The following WDR25 variants were observed in gnomAD, a reference collection of about 807,000 sequenced individuals.
WDR25 encodes WD repeat-containing protein 25.
WDR25 carries 35 observed loss-of-function variants against 47.7 expected under a neutral mutation model. That is an observed-to-expected ratio of 0.73 (90% confidence interval 0.56 to 0.97). The LOEUF (loss-of-function observed/expected upper bound fraction) is 0.97, where lower values mean the gene tolerates loss of function less well. Ranked by LOEUF, WDR25 falls within the 50% of genes least tolerant of loss-of-function variation. WDR25 has a pLI of 0.00. For synonymous variants in WDR25, 248 were observed against 278.9 expected, an observed-to-expected ratio of 0.89 and a Z score of 1.10; for missense variants, 634 against 704.7, an observed-to-expected ratio of 0.90 and a Z score of 1.14.
At chr14:100,411,934 T>C (rs192599943) in intron 2 of WDR25, among the ~76,000 whole-genome samples, 14 of 152,370 alleles carry the variant, frequency 9.2e-5, no homozygotes, top group Non-Finnish European at 1.9e-4. Flanking sequence ...TTGAATGTAA[T>C]GTTGAAACCT....
intron 4 of WDR25, among the ~76,000 whole-genome samples, chr14:100,513,737 A>T (rs2140367742): frequency 6.6e-6 from 1 of 150,614 alleles, no homozygotes; most frequent in South Asian, 2.1e-4. Context: ...TGGGTTGCCC[A>T]GGCTGGTCTC....
intron 2 of WDR25, among the ~76,000 whole-genome samples, chr14:100,438,786 C>T (rs1445417019): frequency 6.6e-6 from 1 of 152,222 alleles, no homozygotes; most frequent in African/African-American, 2.4e-5. Context: ...CTCAGCCACC[C>T]TGTGAGGTTC....
intron 4 of WDR25, among the ~76,000 whole-genome samples, chr14:100,509,742 G>A (rs1338046600): frequency 1.3e-5 from 2 of 152,108 alleles, no homozygotes; most frequent in African/African-American, 4.8e-5. Flanking sequence ...AAGTTGTATA[G>A]TTTTGGGCTT....
At chr14:100,484,560 G>A (rs1452279049) in intron 4 of WDR25, among the ~76,000 whole-genome samples, 13 of 151,970 alleles carry the variant, frequency 8.6e-5, no homozygotes, top group Admixed American at 7.9e-4. Context: ...CTTGCTGTGG[G>A]AAGACTTCTT....
rs942195508 is a variant in WDR25, at chr14:100,498,719, A to G, written c.1101+14595A>G. Among the ~76,000 whole-genome samples the G allele has an allele frequency of 6.6e-6, 1 of 152,174 alleles. No individual in the cohort carries two copies. The highest frequency in any genetic ancestry group is 2.4e-5 in the African/African-American group (1 of 41,442). ...ACATGTGAGGTTGTGCAGTCTGTAC[A>G]GTGCAGAGAGGCACCTTGCTGAGGG... is the stretch of plus-strand genomic sequence containing the variant. On this transcript the variant is annotated intron_variant, in intron 4 of 6. Transcript: ENST00000402312. This position sits in a 1 kb window ranked among gnomAD's most constrained non-coding sequence, Gnocchi z 4.2.
rs1326958492 is a variant in WDR25, at chr14:100,404,654, G to C, written c.822+22908G>C. On this transcript the variant is annotated intron_variant, in intron 2 of 6. Transcript: ENST00000402312. This position sits in a 1 kb window ranked among gnomAD's most constrained non-coding sequence, Gnocchi z 4.6. ...GCTGGAGGCCTGGCGTTCCCATGGG[G>C]CTCACTGTGTGTGCAAATGTTCTGT... Among the ~76,000 whole-genome samples the C allele has an allele frequency of 6.6e-6, 1 of 152,130 alleles. No homozygotes were observed. Among genetic ancestry groups the C allele is most frequent in the Non-Finnish European group, 1.5e-5 (1 of 68,022 alleles).
rs370756030 is a variant in WDR25 at position 100,526,125 on chromosome 14, C to T, written c.1272+85C>T. The T allele has an allele frequency of 1.7e-4, 260 of 1,488,966 alleles. No individual in the cohort carries two copies. In the African/African-American group the frequency reaches 3.1e-3, roughly 18 times the overall value. 92.2% of individuals were successfully genotyped at this position (1,488,966 alleles called of 1,614,324 possible). A position where few individuals can be genotyped will look rare whatever the true frequency, so the allele number is the denominator to read the frequency against. ...CTGGTCTGTCTGAGGTCCCAGGTCCCTTCTGTGGGAGGAGGCTCACTGGAC... is the reference window on the plus strand; with the variant it reads ...CTGGTCTGTCTGAGGTCCCAGGTCCTTTCTGTGGGAGGAGGCTCACTGGAC... On this transcript the variant is annotated intron_variant, in intron 5 of 6. Coordinates refer to ENST00000402312, the MANE Select transcript of WDR25 (RefSeq NM_001161476.3).
At chr14:100,480,394 A>G (rs1408874380) in intron 3 of WDR25, among the ~76,000 whole-genome samples, 2 of 152,226 alleles carry the variant, frequency 1.3e-5, no homozygotes, top group Non-Finnish European at 2.9e-5. Context: ...TTCTTCATTT[A>G]CAGAAAAGCA....
rs747252307 is a variant in WDR25, at chr14:100,525,956, C to T, written c.1188C>T (p.Asp396=). 1.3e-5 allele frequency: 21 copies of T among 1,613,954 alleles called. No homozygotes were observed. The highest frequency in any genetic ancestry group is 3.3e-5 in the Admixed American group (2 of 60,006). Residue 396 remains aspartate, a synonymous_variant, in exon 5 of 7, where the codon GAC becomes GAT. Coordinates refer to ENST00000402312, the MANE Select transcript of WDR25 (RefSeq NM_001161476.3). The surrounding 1 kb of genome is among the most constrained non-coding windows in gnomAD (Gnocchi z 4.6). ...REGSEFLSST[D]ASTRDSADRT... ...GCTCCGAGTTCCTGAGCAGCACAGA[C>T]GCTTCCACCCGGGACTCAGCTGACC... is the stretch of plus-strand genomic sequence containing the variant.
chr14:100,379,356 G>A (rs1896812798), intron 1 of WDR25, among the ~76,000 whole-genome samples: 2 of 150,718 alleles, frequency 1.3e-5, no homozygotes, highest in African/African-American at 4.9e-5. Flanking sequence ...CTCTTTCTCT[G>A]TAGGCATTGT....
Position 100,381,116 on chromosome 14 carries a change from C to T in WDR25, c.192C>T (p.Pro64=). The T allele has an allele frequency of 6.2e-7, 1 of 1,614,202 alleles. No homozygotes were observed. Among genetic ancestry groups the T allele is most frequent in the Non-Finnish European group, 8.5e-7 (1 of 1,180,038 alleles). ...ATGTGCCCAAAGCAGGGGCACAGCC[C>T]ACAAAGCATGGCTCCTGTGAAGACC... ...TLDVPKAGAQ[P]TKHGSCEDPG... The change falls in exon 2 of 7, where the codon CCC becomes CCT. Residue 64 remains proline, a synonymous_variant. Coordinates refer to ENST00000402312, the MANE Select transcript of WDR25 (RefSeq NM_001161476.3).
At chr14:100,466,909 C>CTGCA (rs1312480920) in intron 2 of WDR25, among the ~76,000 whole-genome samples, 1 of 152,244 alleles carries the variant, frequency 6.6e-6, no homozygotes, top group Non-Finnish European at 1.5e-5. Context: ...TTCCCCTGGG[C>CTGCA]TGCACGGTGT....
chr14:100,419,069 A>C (rs557746619), intron 2 of WDR25, among the ~76,000 whole-genome samples: 20 of 152,102 alleles, frequency 1.3e-4, no homozygotes, highest in African/African-American at 4.8e-4. Context: ...AAATACAAAA[A>C]AAATTAGCTA....
intron 2 of WDR25, among the ~76,000 whole-genome samples, chr14:100,384,153 G>C (rs1245127785): frequency 6.6e-6 from 1 of 152,276 alleles, no homozygotes; most frequent in African/African-American, 2.4e-5. Context: ...CACATTTGCT[G>C]TCATGAGGTT....
intron 2 of WDR25, among the ~76,000 whole-genome samples, chr14:100,402,329 A>G (rs1447215161): frequency 6.6e-6 from 1 of 152,066 alleles, no homozygotes; most frequent in Admixed American, 6.6e-5. Context: ...TTTATTTAAG[A>G]CACACTCCCC....
At chr14:100,516,766 G>T (rs1901510343) in intron 4 of WDR25, among the ~76,000 whole-genome samples, 1 of 152,098 alleles carries the variant, frequency 6.6e-6, no homozygotes, top group African/African-American at 2.4e-5. Context: ...TATTTAAGGT[G>T]GCTGTCTTGT....
intron 4 of WDR25, among the ~76,000 whole-genome samples, chr14:100,524,117 G>A (rs2029994648): frequency 1.3e-5 from 2 of 152,064 alleles, no homozygotes; most frequent in Non-Finnish European, 2.9e-5. Flanking sequence ...TCCATTCTCA[G>A]AAAATGTACG....
chr14:100,475,270 C>T (rs551192719), intron 3 of WDR25, among the ~76,000 whole-genome samples: 1 of 152,302 alleles, frequency 6.6e-6, no homozygotes, highest in East Asian at 1.9e-4. Flanking sequence ...TGCAATCCCA[C>T]TTCTGGGTGT....
intron 1 of WDR25, among the ~76,000 whole-genome samples, chr14:100,377,292 A>AGTT (rs56705876): frequency 0.94 from 142,590 of 151,390 alleles, 67,235 homozygotes; most frequent in South Asian, 0.97. Context: ...TGGCTTTAGA[A>AGTT]GTTGTTGTTG....
Sources: gnomAD v4.1 joint callset for allele counts (sites outside exome capture counted in the v4.1 genomes callset) on GRCh38, gnomAD v4.1.1 for gene constraint, Gnocchi (gnomAD v3.1) non-coding constraint, MANE v1.5 for transcripts, NCBI Gene and HGNC (gene_info 2026-07-23, HGNC 2026-07-21) for gene names.